The following ANXA4 variants were observed in gnomAD, a reference collection of about 807,000 sequenced individuals.
ANXA4 encodes 35-beta calcimedin.
ANXA4 carries 39 observed loss-of-function variants against 49.8 expected under a neutral mutation model. The observed-to-expected ratio is 0.78, with a 90% CI of 0.61 to 1.02. The LOEUF (loss-of-function observed/expected upper bound fraction) is 1.02, where lower values mean the gene tolerates loss of function less well. Ranked by LOEUF, ANXA4 falls within the 50% of genes least tolerant of loss-of-function variation. The pLI, the probability that ANXA4 is intolerant of heterozygous loss-of-function variation, is 0.00. For missense variants in ANXA4, 360 were observed against 410.1 expected (o/e 0.88, Z 1.05); for synonymous variants, 134 against 152.5 (o/e 0.88, Z 0.89).
intron 2 of ANXA4, chr2:69,653,313 G>A (rs986348769): frequency 6.6e-6 from 1 of 152,262 alleles, no homozygotes; most frequent in African/African-American, 2.4e-5. Context: ...TAAATGTGAA[G>A]TATGCGTAAA....
intron 2 of ANXA4, among the ~76,000 whole-genome samples, chr2:69,785,796 C>A (rs929863084): frequency 6.6e-6 from 1 of 152,154 alleles, no homozygotes; most frequent in African/African-American, 2.4e-5. Context: ...CAAGCGCCAA[C>A]TACTCCCTCC....
At chr2:69,762,887 T>C (rs1405653020) in intron 1 of ANXA4, among the ~76,000 whole-genome samples, 1 of 151,862 alleles carries the variant, frequency 6.6e-6, no homozygotes, top group Non-Finnish European at 1.5e-5. Context: ...ACACTCATAC[T>C]CACTCACACT....
At chr2:69,649,603 CTTTTTTT>C (rs766975640) in intron 1 of ANXA4, among the ~76,000 whole-genome samples, 5 of 70,660 alleles carry the variant, frequency 7.1e-5, no homozygotes, top group Admixed American at 1.4e-4. Flanking sequence ...GATTTTCTTT[CTTTTTTT>C]TTTTTTTTTT....
At chr2:69,697,301 CCTCAGA>C (rs1200786233) in intron 2 of ANXA4, among the ~76,000 whole-genome samples, 3 of 152,202 alleles carry the variant, frequency 2.0e-5, no homozygotes, top group Non-Finnish European at 4.4e-5. Context: ...CCTCTGCTAG[CCTCAGA>C]CTTTTGTTCT....
intron 1 of ANXA4, among the ~76,000 whole-genome samples, chr2:69,765,866 T>G (rs1671473729): frequency 1.3e-5 from 2 of 152,098 alleles, no homozygotes; most frequent in Non-Finnish European, 2.9e-5. Flanking sequence ...TTCCTAGCAA[T>G]GAGGCCTTCA....
chr2:69,714,947 T>G (rs1425751323), intron 2 of ANXA4, among the ~76,000 whole-genome samples: 1 of 152,176 alleles, frequency 6.6e-6, no homozygotes, highest in African/African-American at 2.4e-5. Context: ...TGAAGTCAAG[T>G]AACAGATGTG....
rs995117331 is a variant in ANXA4 at position 69,722,941 on chromosome 2, G to C, written n.864+2070G>C. ...TAATCCCAGCACTTTGGGAGGCCGAGGTGGGCGGATCACGAGGTCAGGAGA... is the reference window on the plus strand; with the variant it reads ...TAATCCCAGCACTTTGGGAGGCCGACGTGGGCGGATCACGAGGTCAGGAGA... On this transcript the variant is annotated intron_variant and non_coding_transcript_variant, in intron 3 of 3. Transcript: ENST00000418066. Among the ~76,000 whole-genome samples the C allele has an allele frequency of 3.3e-5, 5 of 151,256 alleles. No homozygotes were observed. In the South Asian group the frequency reaches 1.0e-3, roughly 32 times the overall value.
At chr2:69,729,752 AT>A (rs1477402370) in intron 3 of ANXA4, among the ~76,000 whole-genome samples, 1 of 150,378 alleles carries the variant, frequency 6.6e-6, no homozygotes, top group Non-Finnish European at 1.5e-5. Flanking sequence ...TTACAGTGAC[AT>A]TTTCATCATA....
rs77287503 is a variant in ANXA4 at position 69,760,247 on chromosome 2, T to C, written c.-47+18072T>C. 6.9e-3 allele frequency among the ~76,000 whole-genome samples: 1,050 copies of C among 152,324 alleles called. 13 individuals are homozygous for C. The highest frequency in any genetic ancestry group is 0.024 in the African/African-American group (986 of 41,570). On this transcript the variant is annotated intron_variant, in intron 1 of 12. Coordinates refer to ENST00000394295, the MANE Select transcript of ANXA4 (RefSeq NM_001153.5). ...CCATTTTTATGAAAAAACAATTTCA[T>C]TGAAACCAAACAGTAGTGAAAAGAG...
At chr2:69,665,453 A>G (rs948054502) in intron 2 of ANXA4, among the ~76,000 whole-genome samples, 1 of 152,204 alleles carries the variant, frequency 6.6e-6, no homozygotes, top group African/African-American at 2.4e-5. Context: ...CACCAGAATC[A>G]TGAGAGATAA....
At chr2:69,755,076 A>C (rs1253683155) in intron 1 of ANXA4, among the ~76,000 whole-genome samples, 1 of 152,264 alleles carries the variant, frequency 6.6e-6, no homozygotes, top group African/African-American at 2.4e-5. Flanking sequence ...GCTAAGTGAA[A>C]TAATCCAGAC....
chr2:69,796,111 A>G (rs574398236), intron 3 of ANXA4, among the ~76,000 whole-genome samples: 2 of 152,332 alleles, frequency 1.3e-5, no homozygotes, highest in East Asian at 3.9e-4. Flanking sequence ...ACCATCTGTG[A>G]GACTAGTTCT....
intron 1 of ANXA4, among the ~76,000 whole-genome samples, chr2:69,649,559 G>T (rs1175553846): frequency 7.0e-6 from 1 of 141,966 alleles, no homozygotes; most frequent in Non-Finnish European, 1.5e-5. Context: ...TGATTAGAAT[G>T]AATATTCTCT....
At chr2:69,724,920 T>G (rs766477965) in intron 3 of ANXA4, among the ~76,000 whole-genome samples, 1 of 152,272 alleles carries the variant, frequency 6.6e-6, no homozygotes, top group African/African-American at 2.4e-5. Context: ...GTGGAACGTT[T>G]AGCTGATCCC....
intron 2 of ANXA4, among the ~76,000 whole-genome samples, chr2:69,669,610 C>CA (rs201802569): frequency 0.026 from 3,478 of 134,382 alleles, 97 homozygotes; most frequent in East Asian, 0.13. Context: ...GACTCCATCT[C>CA]AAAAAAAAAA....
intron 2 of ANXA4, among the ~76,000 whole-genome samples, chr2:69,681,347 G>A (rs1677591736): frequency 1.3e-5 from 2 of 149,078 alleles, no homozygotes; most frequent in African/African-American, 2.5e-5. Context: ...CAGTTACAAT[G>A]TCTCCTTTTT....
At chr2:69,705,824 T>C (rs531954227) in intron 2 of ANXA4, among the ~76,000 whole-genome samples, 8 of 152,018 alleles carry the variant, frequency 5.3e-5, no homozygotes, top group Admixed American at 2.0e-4. Flanking sequence ...CCCAGCTACT[T>C]GGGAGGCTGA....
chr2:69,670,679 G>C (rs77182839), intron 2 of ANXA4, among the ~76,000 whole-genome samples: 1 of 151,982 alleles, frequency 6.6e-6, no homozygotes, highest in African/African-American at 2.4e-5. Flanking sequence ...TGGAAAATTT[G>C]GTTATCTACG....
intron 6 of ANXA4, chr2:69,809,416 T>C (rs1365701820): frequency 1.3e-5 from 2 of 152,182 alleles, no homozygotes; most frequent in East Asian, 3.8e-4. Context: ...GCTTCTCTTT[T>C]CGTTTTTGCT....
Sources: allele counts gnomAD v4.1 joint callset (sites outside exome capture counted in the v4.1 genomes callset), GRCh38; gene constraint gnomAD v4.1.1; transcripts MANE v1.5; gene names NCBI Gene and HGNC (gene_info 2026-07-23, HGNC 2026-07-21).